The following ZNF718 variants were observed in gnomAD, a reference collection of about 807,000 sequenced individuals.
The protein encoded by ZNF718 is zinc finger protein 718.
ZNF718 carries 3 observed loss-of-function variants against 2.6 expected under a neutral mutation model. The ratio of observed to expected loss-of-function variants is 1.16; its 90% confidence interval spans 0.53 to 3.01. The LOEUF (loss-of-function observed/expected upper bound fraction) is 3.01, where lower values mean the gene tolerates loss of function less well. Ranked by LOEUF, ZNF718 falls within the 30% of genes most tolerant of loss-of-function variation. The pLI is 0.03. For synonymous variants in ZNF718, 135 were observed against 77.9 expected (o/e 1.73, Z -3.86); for missense variants, 468 against 230.0 (o/e 2.03, Z -6.69).
chr4:154,030 G>A (rs1281561418), intron 3 of ZNF718, among the ~76,000 whole-genome samples: 1 of 151,988 alleles, frequency 6.6e-6, no homozygotes, highest in Non-Finnish European at 1.5e-5. Context: ...TAAGTCATGG[G>A]GGCAGTTTCC....
intron 3 of ZNF718, among the ~76,000 whole-genome samples, chr4:171,375 G>A (rs996680299): frequency 5.9e-5 from 9 of 152,330 alleles, no homozygotes; most frequent in Middle Eastern, 3.4e-3. Context: ...AAGGCTGTCA[G>A]ACAGGGACGT....
chr4:137,749 T>C (rs1392466322), intron 3 of ZNF718, among the ~76,000 whole-genome samples: 2 of 147,576 alleles, frequency 1.4e-5, no homozygotes, highest in African/African-American at 2.5e-5. Context: ...TGTATACTTT[T>C]TACTTTTTTT....
intron 3 of ZNF718, among the ~76,000 whole-genome samples, chr4:185,023 T>G (rs1717540040): frequency 6.6e-6 from 1 of 152,188 alleles, no homozygotes; most frequent in South Asian, 2.1e-4. Flanking sequence ...TGATCTTGGT[T>G]ATTTTTTGTC....
At chr4:160,662 G>T (rs1319022361) in intron 3 of ZNF718, among the ~76,000 whole-genome samples, 1 of 152,228 alleles carries the variant, frequency 6.6e-6, no homozygotes, top group East Asian at 1.9e-4. Flanking sequence ...GGATTCTCCT[G>T]CCTCAGCCTC....
intron 3 of ZNF718, among the ~76,000 whole-genome samples, chr4:141,714 A>G (rs1442048672): frequency 6.6e-6 from 1 of 152,236 alleles, no homozygotes; most frequent in African/African-American, 2.4e-5. Context: ...GCTGTCAATT[A>G]TAATTATGGT....
At chr4:151,668 T>A (rs545064023) in intron 3 of ZNF718, among the ~76,000 whole-genome samples, 1 of 151,984 alleles carries the variant, frequency 6.6e-6, no homozygotes, top group Non-Finnish European at 1.5e-5. Context: ...TTAGTAGAGA[T>A]GAGGTTTCAC....
intron 1 of ZNF718, 198 bp downstream of exon 1, chr4:124,871 C>T: frequency 1.6e-6 from 1 of 620,486 alleles, no homozygotes; most frequent in Non-Finnish European, 2.7e-6. Context: ...TTGTGCAGCT[C>T]TGCGCCGGTA....
intron 3 of ZNF718, among the ~76,000 whole-genome samples, chr4:156,380 T>C (rs1716568000): frequency 6.6e-6 from 1 of 152,228 alleles, no homozygotes; most frequent in African/African-American, 2.4e-5. Context: ...TTACCCTCTA[T>C]TTATTTGTGA....
intron 3 of ZNF718, among the ~76,000 whole-genome samples, chr4:196,827 G>A (rs183741607): frequency 1.9e-3 from 291 of 152,110 alleles, no homozygotes; most frequent in African/African-American, 6.7e-3. Flanking sequence ...TGGCAGCCAC[G>A]CTAATCATTT....
rs1553815067 is a variant in ZNF718, at chr4:161,366, C to G, written c.681C>G (p.Tyr227Ter). The part of the protein sequence containing the change: ...HKRIHAREKF[Y>*]KCEECGKGFT... Reference sequence around the variant, plus strand: ...GAATTCATGCCAGAGAGAAATTCTACAAGTGTGAAGAATGTGGTAAAGGCT... The same window carrying G: ...GAATTCATGCCAGAGAGAAATTCTAGAAGTGTGAAGAATGTGGTAAAGGCT... The change falls in exon 4 of 4, where the codon TAC becomes TAG. Residue 227 changes from tyrosine (Y) to a stop codon, truncating the protein, a stop_gained. Coordinates refer to ENST00000510175, the MANE Select transcript of ZNF718 (RefSeq NM_001039127.6). LOFTEE classifies it low-confidence loss of function (END_TRUNC). 1 of 778,654 alleles carries G rather than the reference C, an allele frequency of 1.3e-6. No homozygotes were observed. The highest frequency in any genetic ancestry group is 1.7e-5 in the African/African-American group (1 of 58,972). The allele number at this position is 778,654 out of a possible 1,614,324, so 48.2% of individuals were successfully genotyped here. A position where few individuals can be genotyped will look rare whatever the true frequency, so the allele number is the denominator to read the frequency against.
intron 3 of ZNF718, among the ~76,000 whole-genome samples, chr4:193,356 G>A (rs1006869127): frequency 2.0e-5 from 3 of 152,122 alleles, no homozygotes; most frequent in African/African-American, 4.8e-5. Context: ...TTTGTTAGGT[G>A]TTCCCTCAGA....
intron 3 of ZNF718, among the ~76,000 whole-genome samples, chr4:177,192 A>G (rs1717366972): frequency 6.6e-6 from 1 of 152,142 alleles, no homozygotes; most frequent in Non-Finnish European, 1.5e-5. Context: ...TTGCCTCCTC[A>G]ACTTTCCACA....
intron 3 of ZNF718, among the ~76,000 whole-genome samples, chr4:173,044 A>T (rs1581474454): frequency 6.6e-6 from 1 of 152,052 alleles, no homozygotes; most frequent in East Asian, 1.9e-4. Context: ...ACTCCATCTT[A>T]AAAAAATAAA....
intron 3 of ZNF718, among the ~76,000 whole-genome samples, chr4:137,705 T>C (rs151058079): frequency 6.6e-6 from 1 of 152,344 alleles, no homozygotes; most frequent in Non-Finnish European, 1.5e-5. Context: ...TGTTGACTTT[T>C]TGGAGTTTAT....
At chr4:187,312 C>T (rs782806755) in intron 3 of ZNF718, among the ~76,000 whole-genome samples, 8 of 151,284 alleles carry the variant, frequency 5.3e-5, no homozygotes, top group Non-Finnish European at 8.9e-5. Flanking sequence ...CTGCAACCTC[C>T]ACCTCCAGGG....
chr4:147,807 G>A (rs1310099410), intron 3 of ZNF718, among the ~76,000 whole-genome samples: 3 of 152,160 alleles, frequency 2.0e-5, no homozygotes, highest in Middle Eastern at 3.4e-3. Flanking sequence ...GAGGTTGCAC[G>A]GAGCTGAGAT....
intron 1 of ZNF718, chr4:124,981 A>G (rs1715134101): frequency 2.9e-6 from 1 of 345,840 alleles, no homozygotes; most frequent in Non-Finnish European, 5.4e-6. Context: ...GTGGTCCGGA[A>G]TCCCGTCCCT....
intron 3 of ZNF718, among the ~76,000 whole-genome samples, chr4:170,254 G>A (rs568219047): frequency 7.9e-5 from 12 of 152,224 alleles, no homozygotes; most frequent in South Asian, 6.2e-4. Flanking sequence ...TGGGTAACCC[G>A]ACCTTTCTCT....
chr4:176,470 T>C (rs1717347913), intron 3 of ZNF718, among the ~76,000 whole-genome samples: 1 of 152,180 alleles, frequency 6.6e-6, no homozygotes, highest in African/African-American at 2.4e-5. Context: ...TCCAGAACTC[T>C]TATGGGTGGG....
Sources: allele counts gnomAD v4.1 joint callset (sites outside exome capture counted in the v4.1 genomes callset), GRCh38; gene constraint gnomAD v4.1.1; transcripts MANE v1.5; gene names NCBI Gene and HGNC (gene_info 2026-07-23, HGNC 2026-07-21).